Variants in GDPD5 observed in about 807,000 individuals in gnomAD.
The protein encoded by GDPD5 is glycerophosphodiester phosphodiesterase domain containing 5, also known as glycerophosphodiester phosphodiesterase 2.
In GDPD5, 48 loss-of-function variants were observed where a neutral mutation model predicts 75.1. The observed-to-expected ratio is 0.64, with a 90% CI of 0.51 to 0.81. The LOEUF (loss-of-function observed/expected upper bound fraction) is 0.81. GDPD5 is among the 40% of genes least tolerant of loss of function. The pLI is 0.00. For synonymous variants in GDPD5, 336 were observed against 339.0 expected, an observed-to-expected ratio of 0.99 and a Z score of 0.10; for missense variants, 706 against 822.6, an observed-to-expected ratio of 0.86 and a Z score of 1.73.
At chr11:75,496,784 T>C (rs1301318877) in intron 1 of GDPD5, among the ~76,000 whole-genome samples, 3 of 143,052 alleles carry the variant, frequency 2.1e-5, no homozygotes, top group Admixed American at 6.9e-5. Flanking sequence ...TCTTTCTTTT[T>C]TTTTTTTTTT....
chr11:75,523,152 T>C (rs1941528023), intron 1 of GDPD5, among the ~76,000 whole-genome samples: 1 of 152,230 alleles, frequency 6.6e-6, no homozygotes, highest in Admixed American at 6.5e-5. Flanking sequence ...TTGTAGCTCA[T>C]TTAATCCTCG....
chr11:75,436,031 C>T (rs1948616564), intron 16 of GDPD5, among the ~76,000 whole-genome samples: 2 of 152,206 alleles, frequency 1.3e-5, no homozygotes, highest in South Asian at 4.1e-4. Context: ...ACTCAGCCTC[C>T]TGGGAACCTC....
chr11:75,500,690 GC>G (rs1950289870), intron 1 of GDPD5, among the ~76,000 whole-genome samples: 1 of 152,176 alleles, frequency 6.6e-6, no homozygotes, highest in South Asian at 2.1e-4. Flanking sequence ...CCCACAGGAA[GC>G]TCATACCCAC....
intron 3 of GDPD5, among the ~76,000 whole-genome samples, chr11:75,470,507 T>A (rs759169706): frequency 3.2e-4 from 49 of 152,338 alleles, no homozygotes; most frequent in Admixed American, 1.4e-3. Flanking sequence ...ATTGCTTACA[T>A]TTCAATCTGC....
At chr11:75,482,527 G>T (rs908095235) in intron 2 of GDPD5, among the ~76,000 whole-genome samples, 1 of 151,958 alleles carries the variant, frequency 6.6e-6, no homozygotes, top group African/African-American at 2.4e-5. Flanking sequence ...CCCTTTTCTC[G>T]CCATCCCCAC....
chr11:75,451,769 A>C (rs978855998), intron 6 of GDPD5: 13 of 152,228 alleles, frequency 8.5e-5, no homozygotes, highest in African/African-American at 2.7e-4. Context: ...TGATTCCCCA[A>C]ACCCTAATAC....
In GDPD5 at chr11:75,449,063, G is replaced by A. The variant is rs1238885078; in HGVS notation, c.628C>T (p.Pro210Ser). 1.9e-6 allele frequency: 3 copies of A among 1,608,672 alleles called. No individual in the cohort carries two copies. The highest frequency in any genetic ancestry group is 1.7e-4 in the Middle Eastern group (1 of 6,038). ...FTVVFALYLA[P>S]LTISSPCIME... ...ATGCAGGGAGAGGAGATGGTGAGAG[G>A]GGCCAGGTAGAGGGCAAACACCACG... is the stretch of plus-strand genomic sequence containing the variant. Residue 210 changes from proline (P) to serine (S), a missense_variant, in exon 9 of 17, where the codon CCT (proline) becomes TCT (serine). By Grantham distance (74) the Pro-to-Ser change is moderately conservative (BLOSUM62 -1). Transcript: ENST00000336898.
At chr11:75,513,345 T>C (rs1284945549) in intron 1 of GDPD5, among the ~76,000 whole-genome samples, 1 of 152,154 alleles carries the variant, frequency 6.6e-6, no homozygotes, top group African/African-American at 2.4e-5. Context: ...TAACAATTTG[T>C]TGTGGAGTAA....
intron 1 of GDPD5, among the ~76,000 whole-genome samples, chr11:75,515,243 C>T (rs566376934): frequency 4.6e-5 from 7 of 152,360 alleles, no homozygotes; most frequent in African/African-American, 9.6e-5. Flanking sequence ...CTAGACCTGC[C>T]GGCTGTGCCC....
chr11:75,500,611 C>T (rs1950288607), intron 1 of GDPD5, among the ~76,000 whole-genome samples: 1 of 152,160 alleles, frequency 6.6e-6, no homozygotes, highest in Admixed American at 6.5e-5. Context: ...TTTCAACCAC[C>T]CATCTCTGGC....
At chr11:75,495,260 C>G (rs1407528640) in intron 1 of GDPD5, among the ~76,000 whole-genome samples, 12 of 104,350 alleles carry the variant, frequency 1.1e-4, no homozygotes, top group Non-Finnish European at 4.4e-5. Context: ...AGAGCTGTCA[C>G]TCTGTCACAC....
At position 75,444,417 on chromosome 11, in the gene GDPD5, T is replaced by C. The variant is rs767270403; in HGVS notation, c.793A>G (p.Ile265Val). ...KLYGLQADIT[I>V]SLDGVPFLMH... ...TCTCCCCTCCGCTACACCTACCTGATGGTAATGTCAGCCTGGAGCCCGTAC... is the reference window on the plus strand; with the variant it reads ...TCTCCCCTCCGCTACACCTACCTGACGGTAATGTCAGCCTGGAGCCCGTAC... Residue 265 changes from isoleucine (I) to valine (V), a missense_variant, in exon 10 of 17, where the codon ATC (isoleucine) becomes GTC (valine). By Grantham distance (29) the Ile-to-Val change is conservative. Coordinates refer to ENST00000336898, the MANE Select transcript of GDPD5 (RefSeq NM_030792.8). 6.8e-6 allele frequency: 11 copies of C among 1,611,010 alleles called. No homozygotes were observed. In the East Asian group the frequency reaches 2.5e-4, roughly 36 times the overall value.
chr11:75,495,365 T>C (rs1185050563), intron 1 of GDPD5, among the ~76,000 whole-genome samples: 1 of 151,672 alleles, frequency 6.6e-6, no homozygotes, highest in African/African-American at 2.4e-5. Flanking sequence ...CTCAGGAGGC[T>C]GAGGAAGGAG....
intron 9 of GDPD5, chr11:75,448,449 G>C: frequency 1.0e-6 from 1 of 982,956 alleles, no homozygotes; most frequent in South Asian, 4.7e-5. Flanking sequence ...GCTGTGCTGG[G>C]ATGCTAACTC....
intron 6 of GDPD5, chr11:75,455,441 T>C (rs1592083204): frequency 2.2e-6 from 1 of 450,866 alleles, no homozygotes; most frequent in Non-Finnish European, 4.5e-6. Context: ...GTCTCTGGGG[T>C]CTGACTCCCA....
At chr11:75,467,327 T>C (rs1386099279) in intron 3 of GDPD5, among the ~76,000 whole-genome samples, 1 of 152,158 alleles carries the variant, frequency 6.6e-6, no homozygotes, top group Non-Finnish European at 1.5e-5. Flanking sequence ...GGGCGCATAA[T>C]GAGGGTGGCT....
intron 1 of GDPD5, among the ~76,000 whole-genome samples, chr11:75,507,264 C>T (rs368640548): frequency 5.1e-4 from 77 of 152,358 alleles, no homozygotes; most frequent in African/African-American, 1.8e-3. Flanking sequence ...CCCAAGGTCA[C>T]AGGCCAGAAA....
At chr11:75,473,044 G>A (rs2135347690) in intron 3 of GDPD5, among the ~76,000 whole-genome samples, 1 of 152,162 alleles carries the variant, frequency 6.6e-6, no homozygotes, top group East Asian at 1.9e-4. Flanking sequence ...CAGGAGCAAA[G>A]GCCCAGTGCT....
chr11:75,440,021 G>T, intron 14 of GDPD5, 60 bp from the exon 15 acceptor site: 2 of 1,359,994 alleles, frequency 1.5e-6, no homozygotes, highest in Non-Finnish European at 2.1e-6. Flanking sequence ...TGAGGCTCCA[G>T]ACTGAGGGTC....
Sources: gnomAD v4.1 joint callset for allele counts (sites outside exome capture counted in the v4.1 genomes callset) on GRCh38, gnomAD v4.1.1 for gene constraint, MANE v1.5 for transcripts, NCBI Gene and HGNC (gene_info 2026-07-23, HGNC 2026-07-21) for gene names.